The following EXOC4 variants were observed in gnomAD, a reference collection of about 807,000 sequenced individuals.
EXOC4 encodes the protein SEC8-like 1.
A neutral mutation model predicts 107.2 loss-of-function variants in EXOC4; 71 were observed. The ratio of observed to expected loss-of-function variants is 0.66; its 90% confidence interval spans 0.55 to 0.81. The LOEUF is 0.81. EXOC4 is among the 30% of genes least tolerant of loss of function. EXOC4 has a pLI of 0.00. For missense variants in EXOC4, 1,108 were observed against 1,189.6 expected, an observed-to-expected ratio of 0.93 and a Z score of 1.01; for synonymous variants, 456 against 441.2, an observed-to-expected ratio of 1.03 and a Z score of -0.42.
intron 9 of EXOC4, among the ~76,000 whole-genome samples, chr7:133,518,810 T>C (rs978101843): frequency 6.6e-6 from 1 of 151,984 alleles, no homozygotes; most frequent in African/African-American, 2.4e-5. Flanking sequence ...GAAAGAATGA[T>C]GGCTGTAAGG....
At chr7:133,748,180 G>T (rs1795717556) in intron 10 of EXOC4, among the ~76,000 whole-genome samples, 1 of 152,080 alleles carries the variant, frequency 6.6e-6, no homozygotes. Flanking sequence ...TGTTTTCACT[G>T]ATCAATTATT....
At chr7:133,967,112 T>A (rs1256694046) in intron 14 of EXOC4, among the ~76,000 whole-genome samples, 6 of 152,234 alleles carry the variant, frequency 3.9e-5, no homozygotes, top group Non-Finnish European at 5.9e-5. Context: ...TTTATTCACA[T>A]AGAGGTGTTT....
intron 7 of EXOC4, among the ~76,000 whole-genome samples, chr7:133,399,345 G>A (rs1038431158): frequency 8.5e-5 from 13 of 152,136 alleles, no homozygotes; most frequent in African/African-American, 2.6e-4. Flanking sequence ...TGCACACATT[G>A]TATATTTTTC....
intron 11 of EXOC4, among the ~76,000 whole-genome samples, chr7:133,880,634 G>A (rs1187334162): frequency 2.6e-5 from 4 of 152,094 alleles, no homozygotes; most frequent in Admixed American, 2.0e-4. Context: ...GTCTAATTAA[G>A]CACAACTGTT....
chr7:133,474,821 T>C (rs1266118033), intron 7 of EXOC4, among the ~76,000 whole-genome samples: 1 of 152,146 alleles, frequency 6.6e-6, no homozygotes, highest in Non-Finnish European at 1.5e-5. Flanking sequence ...GGGATCACTT[T>C]ACAGGTCTTG....
At chr7:133,327,574 T>C (rs1415561551) in intron 5 of EXOC4, among the ~76,000 whole-genome samples, 1 of 152,198 alleles carries the variant, frequency 6.6e-6, no homozygotes, top group Non-Finnish European at 1.5e-5. Flanking sequence ...TGTGGGCATT[T>C]AGTGCTATAA....
chr7:134,088,173 G>T, the EXOC4 span, among the ~76,000 whole-genome samples: 1 of 152,140 alleles, frequency 6.6e-6, no homozygotes, highest in Non-Finnish European at 1.5e-5. Flanking sequence ...TTCCCAAGGG[G>T]CTTTTATTGG....
intron 11 of EXOC4, among the ~76,000 whole-genome samples, chr7:133,818,436 A>G (rs767764012): frequency 1.1e-4 from 17 of 152,298 alleles, no homozygotes; most frequent in African/African-American, 4.8e-5. Flanking sequence ...CTGCCTTTAC[A>G]TATGTTTCCC....
At chr7:133,316,680 G>A (rs925561377) in intron 4 of EXOC4, among the ~76,000 whole-genome samples, 1 of 152,142 alleles carries the variant, frequency 6.6e-6, no homozygotes, top group East Asian at 1.9e-4. Flanking sequence ...GAGGGGCTTG[G>A]CCTTCTTAGG....
intron 13 of EXOC4, among the ~76,000 whole-genome samples, chr7:133,936,827 T>G (rs1467228290): frequency 6.6e-6 from 1 of 152,096 alleles, no homozygotes; most frequent in East Asian, 1.9e-4. Context: ...GCCTGGCTAA[T>G]TTTTTGTATT....
At chr7:133,503,690 G>A (rs1431780747) in intron 9 of EXOC4, among the ~76,000 whole-genome samples, 1 of 152,136 alleles carries the variant, frequency 6.6e-6, no homozygotes, top group Admixed American at 6.6e-5. Flanking sequence ...AAACATTTGC[G>A]GAAATAATTT....
chr7:133,801,400 T>C (rs973600793), intron 10 of EXOC4, among the ~76,000 whole-genome samples: 2 of 152,180 alleles, frequency 1.3e-5, no homozygotes, highest in African/African-American at 2.4e-5. Flanking sequence ...AAGATTCAGA[T>C]TGACTAAATG....
intron 5 of EXOC4, among the ~76,000 whole-genome samples, chr7:133,340,469 A>G (rs1584830082): frequency 2.7e-5 from 3 of 110,596 alleles, no homozygotes; most frequent in East Asian, 2.4e-4. Context: ...TTCATTGGGG[A>G]TATTGGTATG....
intron 10 of EXOC4, among the ~76,000 whole-genome samples, chr7:133,789,753 G>T (rs1471619910): frequency 6.6e-6 from 1 of 152,118 alleles, no homozygotes; most frequent in Non-Finnish European, 1.5e-5. Context: ...GGTATGATGG[G>T]GAAAGACTTT....
At chr7:133,508,651 A>C (rs1050800281) in intron 9 of EXOC4, among the ~76,000 whole-genome samples, 1 of 152,286 alleles carries the variant, frequency 6.6e-6, no homozygotes, top group East Asian at 1.9e-4. Flanking sequence ...AGGACATAAA[A>C]CCTGTAGCTA....
At chr7:133,916,922 C>T (rs1415364775) in intron 12 of EXOC4, among the ~76,000 whole-genome samples, 1 of 152,122 alleles carries the variant, frequency 6.6e-6, no homozygotes, top group East Asian at 1.9e-4. Flanking sequence ...TTACAGGTAA[C>T]ATTCTGGTAA....
chr7:133,611,703 C>T (rs1346541501), intron 9 of EXOC4, among the ~76,000 whole-genome samples: 1 of 152,072 alleles, frequency 6.6e-6, no homozygotes, highest in Non-Finnish European at 1.5e-5. Flanking sequence ...TAACTCCTAC[C>T]CATTCTTCAG....
chr7:133,543,799 T>G (rs1800427570), intron 9 of EXOC4, among the ~76,000 whole-genome samples: 1 of 152,142 alleles, frequency 6.6e-6, no homozygotes, highest in Non-Finnish European at 1.5e-5. Flanking sequence ...TTATTATTTG[T>G]TCAAATATGG....
intron 10 of EXOC4, among the ~76,000 whole-genome samples, chr7:133,770,313 C>T (rs1352419528): frequency 2.0e-4 from 30 of 151,880 alleles, no homozygotes; most frequent in African/African-American, 7.2e-4. Context: ...TAGCCTACAG[C>T]TAACAGTCCT....
Sources: allele counts gnomAD v4.1 joint callset (sites outside exome capture counted in the v4.1 genomes callset), GRCh38; gene constraint gnomAD v4.1.1; transcripts MANE v1.5; gene names NCBI Gene and HGNC (gene_info 2026-07-23, HGNC 2026-07-21).